Variants in ASTN2 observed in about 807,000 individuals in gnomAD.
ASTN2 encodes the protein astrotactin-2.
Under a neutral mutation model 139.8 loss-of-function variants are expected in ASTN2, and 54 were observed. The ratio of observed to expected loss-of-function variants is 0.39; its 90% confidence interval spans 0.31 to 0.48. ASTN2 has a LOEUF of 0.48. Among genes scored for constraint, ASTN2 ranks in the 20% least tolerant of loss-of-function variants. The pLI is 0.95. For synonymous variants in ASTN2, 756 were observed against 719.5 expected (o/e 1.05, Z -0.81); for missense variants, 1,565 against 1,725.1 (o/e 0.91, Z 1.64).
chr9:116,885,378 A>G (rs1833569295), intron 10 of ASTN2, among the ~76,000 whole-genome samples: 1 of 152,192 alleles, frequency 6.6e-6, no homozygotes. Context: ...CCTTATCTCA[A>G]CGGAGCACGG....
chr9:117,152,839 C>T (rs1302207615), intron 3 of ASTN2, among the ~76,000 whole-genome samples: 1 of 152,122 alleles, frequency 6.6e-6, no homozygotes, highest in African/African-American at 2.4e-5. Context: ...TGTACCATTC[C>T]TATTTTCCAA....
rs1157856809 is a variant in ASTN2 at position 116,698,706 on chromosome 9, T to C, written c.2806+27065A>G. ...GTCTGCTGCCTCTACCTCTGTTACT[T>C]TTAGAGAGATGGACATGAGCCCGGA... On this transcript the variant is annotated intron_variant, in intron 16 of 22. Coordinates refer to ENST00000313400, the MANE Select transcript of ASTN2 (RefSeq NM_001365068.1). The surrounding 1 kb of genome is among the most constrained non-coding windows in gnomAD (Gnocchi z 4.4). 1 of 1,614,116 alleles carries C rather than the reference T, an allele frequency of 6.2e-7. No individual in the cohort carries two copies.
rs192582352 is a variant in ASTN2 at position 116,975,983 on chromosome 9, G to A, written c.1751+131C>T. 2,771 of 783,046 alleles carry A rather than the reference G, an allele frequency of 3.5e-3. 17 individuals are homozygous for A. The highest frequency in any genetic ancestry group is 0.017 in the South Asian group (992 of 58,900). 48.5% of individuals were successfully genotyped at this position (783,046 alleles called of 1,614,324 possible). ...CGCCATGATGGTACATTAGTGCCAGGGAGAGTTCTTTTGTACTCAGTGCAG... is the reference window on the plus strand; with the variant it reads ...CGCCATGATGGTACATTAGTGCCAGAGAGAGTTCTTTTGTACTCAGTGCAG... On this transcript the variant is annotated intron_variant, in intron 9 of 22. Transcript: ENST00000313400.
chr9:117,027,585 C>G (rs993985134), intron 6 of ASTN2, among the ~76,000 whole-genome samples: 4 of 152,110 alleles, frequency 2.6e-5, no homozygotes, highest in African/African-American at 9.7e-5. Context: ...TGCACATTCT[C>G]ACTCCCAATC....
chr9:117,132,996 A>G (rs1369320816), intron 4 of ASTN2, among the ~76,000 whole-genome samples: 1 of 152,200 alleles, frequency 6.6e-6, no homozygotes, highest in African/African-American at 2.4e-5. Flanking sequence ...TCCCCAGGAT[A>G]TTAAGGATAT....
chr9:117,311,808 ATGC>A (rs1191750051), intron 1 of ASTN2, among the ~76,000 whole-genome samples: 1 of 152,176 alleles, frequency 6.6e-6, no homozygotes, highest in Non-Finnish European at 1.5e-5. Flanking sequence ...CCCACAGTAG[ATGC>A]TCATGAATGT....
In ASTN2 at chr9:116,820,551, A is replaced by G. The variant is rs1176615230; in HGVS notation, c.2207+66T>C. The G allele has an allele frequency of 3.2e-6, 5 of 1,555,832 alleles. No homozygotes were observed. The African/African-American group carries it at 6.8e-5, about 21-fold the overall frequency. ...CAGCCTTGCTGAGCTGTAGTGTCTG[A>G]TCATTTTCCCATGCATCCCTCACTT... On this transcript the variant is annotated intron_variant, in intron 12 of 22. Transcript: ENST00000313400.
chr9:117,079,874 C>T (rs897701438), intron 5 of ASTN2, among the ~76,000 whole-genome samples: 2 of 152,268 alleles, frequency 1.3e-5, no homozygotes, highest in African/African-American at 2.4e-5. Context: ...TTGTTCATCA[C>T]TTACCATCTT....
intron 4 of ASTN2, among the ~76,000 whole-genome samples, chr9:117,098,960 T>C (rs1317212332): frequency 1.3e-5 from 2 of 151,624 alleles, no homozygotes; most frequent in Non-Finnish European, 2.9e-5. Flanking sequence ...TACAAAAAAT[T>C]AGCCGGGTGT....
At chr9:117,277,844 C>T (rs886988344) in intron 2 of ASTN2, among the ~76,000 whole-genome samples, 1 of 152,172 alleles carries the variant, frequency 6.6e-6, no homozygotes, top group Non-Finnish European at 1.5e-5. Flanking sequence ...ACATAAACTT[C>T]CCTGCATATT....
At chr9:116,456,626 C>T (rs1848341548) in intron 20 of ASTN2, among the ~76,000 whole-genome samples, 1 of 152,132 alleles carries the variant, frequency 6.6e-6, no homozygotes, top group South Asian at 2.1e-4. Flanking sequence ...GGGATGGCAG[C>T]AGGCAAAGAG....
intron 1 of ASTN2, among the ~76,000 whole-genome samples, chr9:117,403,728 A>C (rs984805336): frequency 6.6e-6 from 1 of 151,958 alleles, no homozygotes; most frequent in Admixed American, 6.6e-5. Context: ...GCCAGCCACC[A>C]CCAGAAGGGA....
chr9:117,372,432 A>G (rs1327663744), intron 1 of ASTN2, among the ~76,000 whole-genome samples: 1 of 152,132 alleles, frequency 6.6e-6, no homozygotes, highest in African/African-American at 2.4e-5. Flanking sequence ...TTGAGAGGTG[A>G]GGGATGTTTC....
intron 13 of ASTN2, among the ~76,000 whole-genome samples, chr9:116,784,929 CAAAA>C (rs58241855): frequency 9.6e-5 from 10 of 104,134 alleles, no homozygotes; most frequent in African/African-American, 2.3e-4. Context: ...AACTCCGCCT[CAAAA>C]AAAAAAAAAA....
intron 19 of ASTN2, among the ~76,000 whole-genome samples, chr9:116,605,212 G>T (rs113837262): frequency 3.3e-5 from 5 of 152,110 alleles, no homozygotes; most frequent in Admixed American, 1.3e-4. Context: ...TACTGATCGG[G>T]GGGGAGAGGC....
rs1008520718 is a variant in ASTN2 at position 116,654,996 on chromosome 9, A to G, written c.2807-3203T>C. Among the ~76,000 whole-genome samples the G allele has an allele frequency of 1.5e-4, 23 of 152,202 alleles. No individual in the cohort carries two copies. The East Asian group carries it at 1.5e-3, about 10-fold the overall frequency. On this transcript the variant is annotated intron_variant, in intron 16 of 22. Coordinates refer to ENST00000313400, the MANE Select transcript of ASTN2 (RefSeq NM_001365068.1). ...CCTTTTGGTGCAGTTAAAAGCCCAC[A>G]ATCTTGGCTGAAAATTGCACCACAG...
At chr9:117,242,424 C>A (rs147205855) in intron 2 of ASTN2, among the ~76,000 whole-genome samples, 22 of 152,032 alleles carry the variant, frequency 1.4e-4, no homozygotes, top group Non-Finnish European at 3.1e-4. Context: ...AAAGTCGGGA[C>A]GAGTCTGGAA....
At chr9:117,361,976 GT>G (rs1389040797) in intron 1 of ASTN2, among the ~76,000 whole-genome samples, 1 of 96,746 alleles carries the variant, frequency 1.0e-5, no homozygotes, top group African/African-American at 2.8e-5. Flanking sequence ...TTGTTTGTTT[GT>G]TTTGTTTTGC....
At chr9:117,307,263 T>C (rs994500315) in intron 1 of ASTN2, among the ~76,000 whole-genome samples, 6 of 152,240 alleles carry the variant, frequency 3.9e-5, no homozygotes, top group Admixed American at 2.6e-4. Flanking sequence ...TGTTCACATA[T>C]GGCTGTTTCC....
Sources: gnomAD v4.1 joint callset for allele counts (sites outside exome capture counted in the v4.1 genomes callset) on GRCh38, gnomAD v4.1.1 for gene constraint, Gnocchi (gnomAD v3.1) non-coding constraint, MANE v1.5 for transcripts, NCBI Gene and HGNC (gene_info 2026-07-23, HGNC 2026-07-21) for gene names.